The following CMTM4 variants were observed in gnomAD, a reference collection of about 807,000 sequenced individuals.
The protein encoded by CMTM4 is CKLF-like MARVEL transmembrane domain-containing protein 4.
In CMTM4, 8 loss-of-function variants were observed where a neutral mutation model predicts 19.0. The observed-to-expected ratio is 0.42, with a 90% CI of 0.25 to 0.76. The LOEUF (loss-of-function observed/expected upper bound fraction) is 0.76. Ranked by LOEUF, CMTM4 falls within the 30% of genes least tolerant of loss-of-function variation. The pLI is 0.27. For missense variants in CMTM4, 228 were observed against 290.2 expected (o/e 0.79, Z 1.56); for synonymous variants, 106 against 121.1 (o/e 0.88, Z 0.82).
intron 1 of CMTM4, among the ~76,000 whole-genome samples, chr16:66,650,953 C>A (rs1053585140): frequency 6.6e-6 from 1 of 152,164 alleles, no homozygotes; most frequent in African/African-American, 2.4e-5. Flanking sequence ...CAGAATCAGA[C>A]GAAGCTCTAA....
rs2015650816 is a variant in CMTM4, at chr16:66,622,175, CA to C, written c.509del (p.Leu170ArgfsTer69). 1 of 1,613,900 alleles carries C rather than the reference CA, an allele frequency of 6.2e-7. No homozygotes were observed. Among genetic ancestry groups the C allele is most frequent in the African/African-American group, 1.3e-5 (1 of 74,918 alleles). On this transcript the variant is annotated frameshift_variant, in exon 4 of 4. Transcript: ENST00000394106. LOFTEE classifies it high-confidence loss of function. The surrounding 1 kb of genome is among the most constrained non-coding windows in gnomAD (Gnocchi z 4.0). Reference sequence around the variant, plus strand: ...CGCTGACTCTCCATTTCTGCACTGCCAGGAATGTGTTCACTGCATATGCCGC... The same window carrying C: ...CGCTGACTCTCCATTTCTGCACTGCCGGAATGTGTTCACTGCATATGCCGC... ...ATAAYAVNTF[L>X]AVQKWRVSVR... is the part of the protein sequence containing the mutation.
At position 66,618,575 on chromosome 16, in the gene CMTM4, C is replaced by G. The variant is rs539949892; in HGVS notation, c.*3483G>C. 1 of 985,484 alleles carries G rather than the reference C, an allele frequency of 1.0e-6. No individual in the cohort carries two copies. Among genetic ancestry groups the G allele is most frequent in the South Asian group, 4.7e-5 (1 of 21,286 alleles). The allele number at this position is 985,484 out of a possible 1,614,324, so 61.0% of individuals were successfully genotyped here. A position where few individuals can be genotyped will look rare whatever the true frequency, so the allele number is the denominator to read the frequency against. On this transcript the variant is annotated 3_prime_UTR_variant, in exon 4 of 4. Coordinates refer to ENST00000394106, the MANE Select transcript of CMTM4 (RefSeq NM_181521.3). ...CAAGAAAAGGTACGCCTGGGCCACACGCAGGACATGGCACCCACTAGGGTT... is the reference window on the plus strand; with the variant it reads ...CAAGAAAAGGTACGCCTGGGCCACAGGCAGGACATGGCACCCACTAGGGTT...
chr16:66,599,980 G>A, the CMTM4 span, among the ~76,000 whole-genome samples: 1 of 151,852 alleles, frequency 6.6e-6, no homozygotes, highest in Admixed American at 6.6e-5. Flanking sequence ...TCATGATGTT[G>A]AGCATCTTTT....
chr16:66,657,234 G>A (rs188040759), intron 1 of CMTM4, among the ~76,000 whole-genome samples: 25 of 152,062 alleles, frequency 1.6e-4, no homozygotes, highest in Admixed American at 1.4e-3. Flanking sequence ...ATAGGCACCC[G>A]CTACCACGTC....
At chr16:66,647,900 G>T (rs1298621810) in intron 1 of CMTM4, among the ~76,000 whole-genome samples, 2 of 152,148 alleles carry the variant, frequency 1.3e-5, no homozygotes, top group African/African-American at 4.8e-5. Context: ...TTTGATAAAA[G>T]TGGTATTTTT....
chr16:66,608,727 C>T, the CMTM4 span, among the ~76,000 whole-genome samples: 32 of 152,248 alleles, frequency 2.1e-4, no homozygotes, highest in South Asian at 6.2e-3. The surrounding 1 kb of genome is among the most constrained non-coding windows in gnomAD (Gnocchi z 5.1). Flanking sequence ...CAGGTGGCGC[C>T]GGTGCTCCCC....
At chr16:66,635,087 T>G (rs2015965167) in intron 2 of CMTM4, among the ~76,000 whole-genome samples, 1 of 152,196 alleles carries the variant, frequency 6.6e-6, no homozygotes, top group South Asian at 2.1e-4. Flanking sequence ...GCATCCATAG[T>G]ATGAGCATTT....
At chr16:66,661,796 A>G (rs900500305) in intron 1 of CMTM4, among the ~76,000 whole-genome samples, 28 of 152,018 alleles carry the variant, frequency 1.8e-4, no homozygotes, top group Non-Finnish European at 1.5e-5. Flanking sequence ...AGCCGGGCAT[A>G]GTGGTGCATG....
In CMTM4 at chr16:66,620,433, C is replaced by T; in HGVS notation, c.*1625G>A. ...GACACTGCTCCCAACTCAGATCGTA[C>T]TGAAGGTGTTGGTGCAGGAAGCTAA... On this transcript the variant is annotated 3_prime_UTR_variant, in exon 4 of 4. Coordinates refer to ENST00000394106, the MANE Select transcript of CMTM4 (RefSeq NM_181521.3). 1.0e-6 allele frequency: 1 copy of T among 985,488 alleles called. No individual in the cohort carries two copies. Among genetic ancestry groups the T allele is most frequent in the African/African-American group, 1.7e-5 (1 of 57,360 alleles). The allele number at this position is 985,488 out of a possible 1,614,324, so 61.0% of individuals were successfully genotyped here. A position where few individuals can be genotyped will look rare whatever the true frequency, so the allele number is the denominator to read the frequency against.
chr16:66,623,317 G>GGGGGAGCAGGACACATGCC (rs2015674232), intron 3 of CMTM4, 87 bp downstream of exon 3: 2 of 894,706 alleles, frequency 2.2e-6, no homozygotes, highest in Admixed American at 2.5e-5. Context: ...AGCCACAGGA[G>GGGGGAGCAGGACACATGCC]GGGGAGCAGG....
intron 1 of CMTM4, among the ~76,000 whole-genome samples, chr16:66,680,100 C>T (rs2016881157): frequency 6.6e-6 from 1 of 152,210 alleles, no homozygotes; most frequent in Admixed American, 6.5e-5. Flanking sequence ...CATAGCAATG[C>T]ACACTTCAGT....
chr16:66,639,085 T>C (rs1340158818), intron 1 of CMTM4, among the ~76,000 whole-genome samples: 1 of 152,248 alleles, frequency 6.6e-6, no homozygotes, highest in East Asian at 1.9e-4. Flanking sequence ...ATATACACAC[T>C]GTGCTTCTCC....
the CMTM4 span, chr16:66,605,679 C>T: frequency 6.5e-6 from 1 of 152,852 alleles, no homozygotes; most frequent in African/African-American, 2.4e-5. The surrounding 1 kb of genome is among the most constrained non-coding windows in gnomAD (Gnocchi z 4.6). Flanking sequence ...GCTTAGATCC[C>T]AGGAACTTGG....
intron 2 of CMTM4, among the ~76,000 whole-genome samples, chr16:66,631,450 A>T (rs1596912480): frequency 1.3e-5 from 2 of 152,342 alleles, no homozygotes; most frequent in African/African-American, 4.8e-5. Flanking sequence ...CTCATTGAGA[A>T]CGGGCCATGA....
chr16:66,627,238 C>T (rs772523807), intron 2 of CMTM4, among the ~76,000 whole-genome samples: 8 of 152,118 alleles, frequency 5.3e-5, no homozygotes, highest in African/African-American at 1.2e-4. Context: ...AAAATAATCA[C>T]GTAGTTATAT....
intron 1 of CMTM4, among the ~76,000 whole-genome samples, chr16:66,649,462 C>CTATG (rs1449770260): frequency 7.2e-6 from 1 of 138,732 alleles, no homozygotes; most frequent in African/African-American, 2.8e-5. Context: ...ATCTATCCAT[C>CTATG]TATCTATCTA....
intron 1 of CMTM4, among the ~76,000 whole-genome samples, chr16:66,674,781 G>C (rs1186320052): frequency 1.2e-5 from 1 of 81,170 alleles, no homozygotes; most frequent in East Asian, 4.1e-4. Flanking sequence ...TGCTCTTGTT[G>C]CCCAGGCTGG....
At chr16:66,611,459 A>G (rs1249178039), downstream of CMTM4, among the ~76,000 whole-genome samples, 1 of 151,778 alleles carries the variant, frequency 6.6e-6, no homozygotes, top group Non-Finnish European at 1.5e-5. Flanking sequence ...GGGGGGAAAA[A>G]ATTGAATATA....
intron 1 of CMTM4, among the ~76,000 whole-genome samples, chr16:66,683,331 A>AC (rs2016976152): frequency 9.1e-6 from 1 of 109,450 alleles, no homozygotes; most frequent in Non-Finnish European, 1.7e-5. Context: ...TTGCTCTGTC[A>AC]CCCAGGCTGG....
Sources: allele counts gnomAD v4.1 joint callset (sites outside exome capture counted in the v4.1 genomes callset), GRCh38; gene constraint gnomAD v4.1.1; non-coding constraint Gnocchi (gnomAD v3.1); transcripts MANE v1.5; gene names NCBI Gene and HGNC (gene_info 2026-07-23, HGNC 2026-07-21).